Variants in CECR2 observed in about 807,000 individuals in gnomAD.
CECR2 encodes the protein chromatin remodeling regulator CECR2.
CECR2 carries 30 observed loss-of-function variants against 154.5 expected under a neutral mutation model. That is an observed-to-expected ratio of 0.19 (90% CI 0.15 to 0.26). The LOEUF is 0.26. CECR2 is among the 10% of genes least tolerant of loss of function. The pLI is 1.00. For synonymous variants in CECR2, 725 were observed against 683.7 expected (o/e 1.06, Z -0.94); for missense variants, 1,743 against 1,829.3 (o/e 0.95, Z 0.86).
At chr22:17,423,516 AAAAAG>A (rs1258961872) in intron 1 of CECR2, among the ~76,000 whole-genome samples, 1 of 152,146 alleles carries the variant, frequency 6.6e-6, no homozygotes, top group African/African-American at 2.4e-5. Context: ...CAAAAAAAAA[AAAAAG>A]AAGAAGAATT....
intron 1 of CECR2, among the ~76,000 whole-genome samples, chr22:17,382,089 G>A (rs183265611): frequency 0.015 from 2,207 of 150,678 alleles, 44 homozygotes; most frequent in African/African-American, 0.041. Flanking sequence ...ACGAGGTTTC[G>A]CCGTGTTAGC....
At chr22:17,387,989 C>A in intron 1 of CECR2, among the ~76,000 whole-genome samples, 1 of 151,758 alleles carries the variant, frequency 6.6e-6, no homozygotes, top group East Asian at 1.9e-4. Context: ...GAGTCTGTCT[C>A]TGTCGCCCAG....
At chr22:17,438,149 G>C (rs1301946748) in intron 1 of CECR2, among the ~76,000 whole-genome samples, 4 of 152,174 alleles carry the variant, frequency 2.6e-5, no homozygotes, top group Non-Finnish European at 5.9e-5. Context: ...ATAATGCATT[G>C]TAAAGTTATG....
Position 17,504,849 on chromosome 22 carries a change from T to C in CECR2, c.703T>C (p.Ser235Pro), listed in dbSNP as rs1353859755. The C allele has an allele frequency of 1.9e-6, 3 of 1,612,616 alleles. No individual in the cohort carries two copies. Among genetic ancestry groups the C allele is most frequent in the Admixed American group, 3.4e-5 (2 of 59,638 alleles). The change falls in exon 7 of 19, where the codon TCC becomes CCC. Residue 235 changes from serine to proline, a missense_variant and splice_region_variant. Around this residue, in one of 4 missense-constraint regions of CECR2, gnomAD observed 292 missense variants for 301.2 expected, o/e 0.97. Transcript: ENST00000262608. ...LASEPQTRHG[S>P]QGPGQGTWWL... ...GAATCCGTTCCTTTATTTTCTAGGG[T>C]CCCAAGGGCCAGGCCAAGGTACTTG...
At chr22:17,532,921 A>T (rs1469506039) in intron 9 of CECR2, among the ~76,000 whole-genome samples, 1 of 151,288 alleles carries the variant, frequency 6.6e-6, no homozygotes, top group Non-Finnish European at 1.5e-5. Context: ...GAGTCTCACC[A>T]TGTTGGTCAG....
intron 14 of CECR2, among the ~76,000 whole-genome samples, chr22:17,541,446 A>G (rs1461947348): frequency 2.0e-5 from 3 of 152,218 alleles, no homozygotes; most frequent in Non-Finnish European, 1.5e-5. Context: ...CTCCGTCTCA[A>G]AAAAAGAAAA....
intron 16 of CECR2, among the ~76,000 whole-genome samples, chr22:17,547,020 C>T (rs1014582150): frequency 8.6e-6 from 1 of 116,210 alleles, no homozygotes; most frequent in African/African-American, 3.4e-5. Flanking sequence ...GCCTGGGCAT[C>T]AGAGTGAGAC....
chr22:17,453,535 T>TTA (rs1016239699), intron 1 of CECR2, among the ~76,000 whole-genome samples: 25 of 152,310 alleles, frequency 1.6e-4, no homozygotes, highest in African/African-American at 6.0e-4. Flanking sequence ...TTTATACCAT[T>TTA]TATGAGGGTG....
chr22:17,361,223 C>T (rs2062975231), intron 1 of CECR2, among the ~76,000 whole-genome samples: 1 of 152,104 alleles, frequency 6.6e-6, no homozygotes, highest in Non-Finnish European at 1.5e-5. Flanking sequence ...TGCAGTGGCT[C>T]ACGTCTATAA....
chr22:17,482,115 CAAAA>C lies in CECR2; in HGVS notation c.221+4456_221+4459del, dbSNP rs869050391. Among the ~76,000 whole-genome samples the C allele has an allele frequency of 3.1e-4, 24 of 76,320 alleles. No homozygotes were observed. In the East Asian group the frequency reaches 7.6e-3, roughly 24 times the overall value. The allele number at this position is 76,320 out of a possible 152,430, so 50.1% of individuals were successfully genotyped here. Reference sequence around the variant, plus strand: ...GGGTGACAGATCGAGACTCTGTCTCCAAAAAAAAAAAAAAAAAAAAAAAAAAGGG... The same window carrying C: ...GGGTGACAGATCGAGACTCTGTCTCCAAAAAAAAAAAAAAAAAAAAAAGGG... On this transcript the variant is annotated intron_variant, in intron 2 of 18. Transcript: ENST00000262608.
At chr22:17,406,956 A>G (rs572824934) in intron 1 of CECR2, among the ~76,000 whole-genome samples, 6 of 152,266 alleles carry the variant, frequency 3.9e-5, no homozygotes, top group Admixed American at 6.5e-5. Flanking sequence ...GGTGAGGTAA[A>G]CAAGCAGATG....
chr22:17,513,677 G>T (rs768240213), intron 8 of CECR2, among the ~76,000 whole-genome samples: 2 of 152,098 alleles, frequency 1.3e-5, no homozygotes, highest in Non-Finnish European at 2.9e-5. Context: ...AGTGGCCTTT[G>T]GTCCCTGGTA....
intron 2 of CECR2, among the ~76,000 whole-genome samples, chr22:17,486,901 A>T (rs79647282): frequency 6.6e-6 from 1 of 152,050 alleles, no homozygotes; most frequent in African/African-American, 2.4e-5. Context: ...GGGCCTCACC[A>T]GCGTTTCATT....
chr22:17,540,330 TCTATAGTTTCTATAAA>T (rs934765355), intron 13 of CECR2, 66 bp from the exon 14 acceptor site: 89 of 1,250,330 alleles, frequency 7.1e-5, no homozygotes, highest in African/African-American at 2.6e-4. Flanking sequence ...TAGTTCTGTT[TCTATAGTTTCTATAAA>T]CTATAGTTTC....
At chr22:17,481,644 A>T (rs1385304168) in intron 2 of CECR2, among the ~76,000 whole-genome samples, 1 of 152,160 alleles carries the variant, frequency 6.6e-6, no homozygotes, top group African/African-American at 2.4e-5. Flanking sequence ...ACATACTGTC[A>T]TTTTGTTCAG....
intron 1 of CECR2, among the ~76,000 whole-genome samples, chr22:17,443,925 C>T (rs144423286): frequency 6.6e-6 from 1 of 152,152 alleles, no homozygotes; most frequent in East Asian, 1.9e-4. Context: ...TTAGCCGTAC[C>T]GTAAACAAGC....
chr22:17,441,192 G>A (rs543902154), intron 1 of CECR2, among the ~76,000 whole-genome samples: 38 of 152,208 alleles, frequency 2.5e-4, no homozygotes, highest in East Asian at 2.3e-3. Flanking sequence ...CAGGTGATCC[G>A]CCTGCCTTGG....
chr22:17,412,559 C>T (rs970557231), intron 1 of CECR2, among the ~76,000 whole-genome samples: 1 of 152,152 alleles, frequency 6.6e-6, no homozygotes. Context: ...TGTCTCCGCC[C>T]TCCTACCTTC....
chr22:17,524,285 C>A lies in CECR2; in HGVS notation c.1108+14C>A. The A allele has an allele frequency of 1.2e-6, 2 of 1,604,504 alleles. No individual in the cohort carries two copies. The highest frequency in any genetic ancestry group is 1.7e-6 in the Non-Finnish European group (2 of 1,176,176). ...AGGCAGTGGAAGGTATGTGCAGTGTCCGCGTGGTCTGGAGAGGTGCATGTC... is the reference window on the plus strand; with the variant it reads ...AGGCAGTGGAAGGTATGTGCAGTGTACGCGTGGTCTGGAGAGGTGCATGTC... On this transcript the variant is annotated intron_variant, in intron 9 of 18. Coordinates refer to ENST00000262608, the MANE Select transcript of CECR2 (RefSeq NM_001290047.2).
Sources: gnomAD v4.1 joint callset for allele counts (sites outside exome capture counted in the v4.1 genomes callset) on GRCh38, gnomAD v4.1.1 for gene constraint, gnomAD v4.1.1 regional missense constraint, MANE v1.5 for transcripts, NCBI Gene and HGNC (gene_info 2026-07-23, HGNC 2026-07-21) for gene names.